DLC1: variants seen among roughly 807,000 people sequenced by gnomAD.
DLC1 encodes rho GTPase-activating protein 7.
Under a neutral mutation model 140.3 loss-of-function variants are expected in DLC1, and 54 were observed. The ratio of observed to expected loss-of-function variants is 0.38; its 90% CI spans 0.31 to 0.48. DLC1 has a LOEUF of 0.48. DLC1 is among the 20% of genes least tolerant of loss of function. The probability of loss-of-function intolerance (pLI) is 0.96; values close to 1 mark genes in which losing one functional copy is unlikely to be tolerated. For missense variants in DLC1, 2,536 were observed against 1,907.0 expected, an observed-to-expected ratio of 1.33 and a Z score of -6.14; for synonymous variants, 986 against 728.1, an observed-to-expected ratio of 1.35 and a Z score of -5.70.
intron 1 of DLC1, among the ~76,000 whole-genome samples, chr8:13,599,818 C>G (rs1805810191): frequency 6.6e-6 from 1 of 151,732 alleles, no homozygotes; most frequent in African/African-American, 2.4e-5. Context: ...CACAGCAATT[C>G]TTAAGAAAGA....
At chr8:13,207,518 A>G (rs907145783) in intron 5 of DLC1, among the ~76,000 whole-genome samples, 5 of 152,214 alleles carry the variant, frequency 3.3e-5, no homozygotes, top group African/African-American at 1.2e-4. Flanking sequence ...TTTTTATCCT[A>G]AAAGTTATTC....
chr8:13,207,248 A>G (rs1024981573), intron 5 of DLC1, among the ~76,000 whole-genome samples: 1 of 152,134 alleles, frequency 6.6e-6, no homozygotes, highest in Non-Finnish European at 1.5e-5. Context: ...TAAAAATGCA[A>G]TTTCCGATTT....
rs1381221467 is a variant in DLC1, at chr8:13,464,768, A to T, written c.1023+34281T>A. Among the ~76,000 whole-genome samples, 14 of 26,242 alleles carry T rather than the reference A, an allele frequency of 5.3e-4. 1 individual carries two copies. Among genetic ancestry groups the T allele is most frequent in the African/African-American group, 1.5e-3 (13 of 8,464 alleles). The allele number at this position is 26,242 out of a possible 152,430, so 17.2% of individuals were successfully genotyped here. ...AAATTATATATATATATATATATTT[A>T]TATATATATATATATATATATATTT... On this transcript the variant is annotated intron_variant, in intron 2 of 17. Coordinates refer to ENST00000276297, the MANE Select transcript of DLC1 (RefSeq NM_182643.3).
chr8:13,199,213 C>G (rs1373614337), intron 5 of DLC1, among the ~76,000 whole-genome samples: 11 of 98,086 alleles, frequency 1.1e-4, no homozygotes, highest in African/African-American at 4.5e-4. Context: ...GAGACAAGAT[C>G]TTGCTGTGTT....
chr8:13,535,200 T>A (rs1803235463), intron 1 of DLC1, among the ~76,000 whole-genome samples: 1 of 151,944 alleles, frequency 6.6e-6, no homozygotes, highest in Admixed American at 6.6e-5. Flanking sequence ...TAAAGAAAAA[T>A]AAGTCGGGAC....
chr8:13,566,811 C>G, intron 1 of DLC1: 1 of 748,140 alleles, frequency 1.3e-6, no homozygotes, highest in Non-Finnish European at 2.0e-6. Context: ...CGCATGGTGG[C>G]CAGTCACTGC....
chr8:13,391,248 C>T (rs139128474), intron 4 of DLC1, among the ~76,000 whole-genome samples: 240 of 152,238 alleles, frequency 1.6e-3, no homozygotes, highest in African/African-American at 5.3e-3. Context: ...AAGAGGAATA[C>T]TGTTGTGAAG....
chr8:13,205,986 T>C (rs1026959817), intron 5 of DLC1, among the ~76,000 whole-genome samples: 15 of 152,308 alleles, frequency 9.8e-5, no homozygotes, highest in African/African-American at 3.4e-4. Flanking sequence ...TATTAAAATA[T>C]AGATAGCCCC....
chr8:13,504,827 T>TA (rs1801982174), intron 1 of DLC1, among the ~76,000 whole-genome samples: 1 of 151,860 alleles, frequency 6.6e-6, no homozygotes, highest in South Asian at 2.1e-4. Flanking sequence ...AACCCCAAAT[T>TA]AAAAAATAAA....
chr8:13,443,070 T>A (rs1798603900), intron 2 of DLC1, among the ~76,000 whole-genome samples: 1 of 151,974 alleles, frequency 6.6e-6, no homozygotes, highest in Non-Finnish European at 1.5e-5. Context: ...TGGATGAAGC[T>A]GGAAACCATC....
chr8:13,207,152 A>T (rs927053355), intron 5 of DLC1, among the ~76,000 whole-genome samples: 3 of 152,206 alleles, frequency 2.0e-5, no homozygotes, highest in Admixed American at 2.0e-4. Context: ...AAATTTTAAA[A>T]ATCTGAATAC....
chr8:13,103,308 C>T (rs972969125), intron 7 of DLC1, among the ~76,000 whole-genome samples: 1 of 125,990 alleles, frequency 7.9e-6, no homozygotes, highest in Non-Finnish European at 1.7e-5. Context: ...GAGACTCCTT[C>T]TCAAAATAAA....
intron 4 of DLC1, among the ~76,000 whole-genome samples, chr8:13,392,135 C>T (rs565456632): frequency 1.1e-4 from 17 of 152,218 alleles, no homozygotes; most frequent in African/African-American, 3.4e-4. Flanking sequence ...CAGTTTACCC[C>T]GAAAGATCAT....
intron 5 of DLC1, among the ~76,000 whole-genome samples, chr8:13,158,133 C>A (rs1013781502): frequency 6.6e-6 from 1 of 152,052 alleles, no homozygotes; most frequent in African/African-American, 2.4e-5. Flanking sequence ...TTTATTGGTT[C>A]ATCTGTGTGT....
intron 1 of DLC1, among the ~76,000 whole-genome samples, chr8:13,529,483 A>T (rs999774286): frequency 3.3e-5 from 5 of 152,190 alleles, no homozygotes; most frequent in African/African-American, 1.2e-4. Flanking sequence ...TCCAAAAATT[A>T]TACTTAATTA....
intron 4 of DLC1, among the ~76,000 whole-genome samples, chr8:13,306,385 A>C (rs991363498): frequency 2.0e-5 from 3 of 152,146 alleles, no homozygotes; most frequent in Non-Finnish European, 4.4e-5. Flanking sequence ...CTCACGTATA[A>C]AATATAGTTG....
chr8:13,222,438 C>T (rs1828602426), intron 5 of DLC1, among the ~76,000 whole-genome samples: 1 of 152,132 alleles, frequency 6.6e-6, no homozygotes, highest in Non-Finnish European at 1.5e-5. Context: ...GTAGGTTAGA[C>T]ACATCCTTTA....
intron 14 of DLC1, 45 bp from the exon 15 acceptor site, chr8:13,090,515 C>T (rs1817966692): frequency 6.3e-7 from 1 of 1,597,848 alleles, no homozygotes; most frequent in African/African-American, 1.3e-5. Context: ...TCCACCTGTA[C>T]TCAATCTCAA....
chr8:13,602,916 C>T (rs1243176044), intron 1 of DLC1, among the ~76,000 whole-genome samples: 1 of 151,718 alleles, frequency 6.6e-6, no homozygotes, highest in Non-Finnish European at 1.5e-5. Flanking sequence ...CAGTTTTCAA[C>T]ATGTAGTGAT....
Sources: gnomAD v4.1 joint callset for allele counts (sites outside exome capture counted in the v4.1 genomes callset) on GRCh38, gnomAD v4.1.1 for gene constraint, MANE v1.5 for transcripts, NCBI Gene and HGNC (gene_info 2026-07-23, HGNC 2026-07-21) for gene names.